IL17RC: variants seen among roughly 807,000 people sequenced by gnomAD.
IL17RC encodes the protein interleukin-17 receptor C.
Under a neutral mutation model 86.7 loss-of-function variants are expected in IL17RC, and 53 were observed. The observed-to-expected ratio is 0.61, with a 90% CI of 0.49 to 0.77. The LOEUF is 0.77. Among genes scored for constraint, IL17RC ranks in the 30% least tolerant of loss-of-function variants. IL17RC has a pLI of 0.00. For missense variants in IL17RC, 957 were observed against 940.0 expected (o/e 1.02, Z -0.24); for synonymous variants, 439 against 413.1 (o/e 1.06, Z -0.76).
At chr3:9,924,724 G>A (rs1290020027) in intron 9 of IL17RC, among the ~76,000 whole-genome samples, 1 of 152,180 alleles carries the variant, frequency 6.6e-6, no homozygotes, top group Non-Finnish European at 1.5e-5. Flanking sequence ...AATAATAATA[G>A]TAACAGCCTC....
Position 9,931,002 on chromosome 3 carries a change from A to C in IL17RC, c.1387+59A>C, listed in dbSNP as rs1043072966. The C allele has an allele frequency of 2.9e-6, 4 of 1,386,924 alleles. No individual in the cohort carries two copies. The African/African-American group carries it at 5.7e-5, about 20-fold the overall frequency. The allele number at this position is 1,386,924 out of a possible 1,614,324, so 85.9% of individuals were successfully genotyped here. Reference sequence around the variant, plus strand: ...ACCAGGAGTGGGGATCTTGACAGGGACCACTCTTGGGCACAGCACATGCAA... The same window carrying C: ...ACCAGGAGTGGGGATCTTGACAGGGCCCACTCTTGGGCACAGCACATGCAA... On this transcript the variant is annotated intron_variant, in intron 16 of 18. Transcript: ENST00000403601.
Position 9,918,015 on chromosome 3 carries a change from T to A in IL17RC, c.220T>A (p.Cys74Ser). 6.2e-7 allele frequency: 1 copy of A among 1,613,362 alleles called. No individual in the cohort carries two copies. Residue 74 changes from cysteine to serine, a missense_variant, in exon 3 of 19, where the codon TGC (cysteine) becomes AGC (serine). Coordinates refer to ENST00000403601, the MANE Select transcript of IL17RC (RefSeq NM_153460.4). The stretch of plus-strand genomic sequence containing the variant: ...CCTGCAGACAGAGCTGGTGCTGAGG[T>A]GCCAGAAGGAGACCGACTGTGACCT... ...THLQTELVLR[C>S]QKETDCDLCL...
chr3:9,928,759 T>C, intron 12 of IL17RC, 129 bp downstream of exon 12: 1 of 908,524 alleles, frequency 1.1e-6, no homozygotes, highest in East Asian at 2.4e-5. Context: ...TTCCACTGCC[T>C]ACTTTAGTAG....
chr3:9,929,784 C>G (rs557627864), intron 12 of IL17RC, 68 bp from the exon 13 acceptor site: 8 of 1,568,032 alleles, frequency 5.1e-6, no homozygotes, highest in Middle Eastern at 1.7e-4. Flanking sequence ...TTGCCTGCCC[C>G]ATTCTGGTCT....
chr3:9,925,343 C>T (rs1021653446), intron 9 of IL17RC, among the ~76,000 whole-genome samples: 3 of 151,916 alleles, frequency 2.0e-5, no homozygotes, highest in Admixed American at 6.6e-5. Context: ...GTCTCGATCT[C>T]CTGACCTTAT....
In IL17RC at chr3:9,933,560, A is replaced by T; in HGVS notation, c.2130A>T (p.Pro710=). Residue 710 remains proline, a synonymous_variant, in exon 19 of 19, where the codon CCA becomes CCT. Coordinates refer to ENST00000403601, the MANE Select transcript of IL17RC (RefSeq NM_153460.4). The part of the protein sequence containing the change: ...GTPAPGRGVG[P]GAGPGAGDGT ...CCGCGCCGGGACGCGGGGTGGGACCAGGCGCGGGACCTGGGGCGGGGGACG... is the reference window on the plus strand; with the variant it reads ...CCGCGCCGGGACGCGGGGTGGGACCTGGCGCGGGACCTGGGGCGGGGGACG... 1 of 1,605,950 alleles carries T rather than the reference A, an allele frequency of 6.2e-7. No homozygotes were observed. Among genetic ancestry groups the T allele is most frequent in the East Asian group, 2.2e-5 (1 of 44,678 alleles).
At position 9,933,434 on chromosome 3, in the gene IL17RC, G is replaced by A; in HGVS notation, c.2004G>A (p.Gln668=). The change falls in exon 19 of 19, where the codon CAG becomes CAA. Residue 668 remains glutamine, a synonymous_variant. Coordinates refer to ENST00000403601, the MANE Select transcript of IL17RC (RefSeq NM_153460.4). The part of the protein sequence containing the change: ...QLPDFLGALQ[Q]PRAPRSGRLQ... ...CAGACTTCCTGGGGGCCCTGCAGCA[G>A]CCTCGCGCCCCGCGTTCCGGGCGGC... The A allele has an allele frequency of 6.2e-7, 1 of 1,613,240 alleles. No homozygotes were observed. The highest frequency in any genetic ancestry group is 8.5e-7 in the Non-Finnish European group (1 of 1,179,828).
At position 9,917,535 on chromosome 3, in the gene IL17RC, C is replaced by T; in HGVS notation, c.105+115C>T. 1.9e-6 allele frequency: 3 copies of T among 1,614,118 alleles called. No individual in the cohort carries two copies. The highest frequency in any genetic ancestry group is 1.7e-4 in the Middle Eastern group (1 of 6,060). ...CACTGCCAGAACTGCCCTGTCTGGT[C>T]TGTCTGGTGCTGATGGTAGAAGAGA... is the stretch of plus-strand genomic sequence containing the variant. On this transcript the variant is annotated intron_variant, in intron 1 of 18. Transcript: ENST00000403601.
At chr3:9,924,535 C>T (rs2083886502) in intron 9 of IL17RC, among the ~76,000 whole-genome samples, 1 of 152,052 alleles carries the variant, frequency 6.6e-6, no homozygotes, top group Admixed American at 6.6e-5. Context: ...ATTCAAATGT[C>T]ACCTTCTCCT....
chr3:9,924,288 T>C lies in IL17RC; in HGVS notation c.819T>C (p.Ile273=). The C allele has an allele frequency of 6.2e-7, 1 of 1,613,918 alleles. No homozygotes were observed. Among genetic ancestry groups the C allele is most frequent in the Non-Finnish European group, 8.5e-7 (1 of 1,179,832 alleles). ...CAGACCTGGTTCCCTGCCTCTGTAT[T>C]CAGGTAGGAGCAGAGTCTAGCTGGG... ...NHTDLVPCLC[I]QVWPLEPDSV... is the part of the protein sequence containing the mutation. Residue 273 remains isoleucine (I), a synonymous_variant, in exon 9 of 19, where the codon ATT becomes ATC. Transcript: ENST00000403601.
Position 9,928,395 on chromosome 3 carries a change from C to A in IL17RC, c.968C>A (p.Pro323His). 1.9e-6 allele frequency: 3 copies of A among 1,605,128 alleles called. No homozygotes were observed. The highest frequency in any genetic ancestry group is 1.7e-6 in the Non-Finnish European group (2 of 1,176,550). ...SWLLDAPCSL[P>H]AEAALCWRAP... Reference sequence around the variant, plus strand: ...CTGCTGGACGCACCGTGCTCGCTGCCCGCAGAAGCGGCACTGTGCTGGCGG... The same window carrying A: ...CTGCTGGACGCACCGTGCTCGCTGCACGCAGAAGCGGCACTGTGCTGGCGG... The change falls in exon 11 of 19, where the codon CCC becomes CAC. Residue 323 changes from proline to histidine, a missense_variant. Pro to His is a moderately conservative substitution (Grantham distance 77). Coordinates refer to ENST00000403601, the MANE Select transcript of IL17RC (RefSeq NM_153460.4).
In IL17RC at chr3:9,928,690, A is replaced by AG. The variant is rs1242320301; in HGVS notation, c.1110+65dup. On this transcript the variant is annotated intron_variant, in intron 12 of 18. Coordinates refer to ENST00000403601, the MANE Select transcript of IL17RC (RefSeq NM_153460.4). ...TGGACCTGGGCAGACCCCCCAGCCA[A>AG]GGGGGTCTTAGTTCTTGGGCCGCTA... The AG allele has an allele frequency of 4.2e-5, 65 of 1,539,276 alleles. No homozygotes were observed. In the Middle Eastern group the frequency reaches 7.2e-4, roughly 17 times the overall value.
rs1172111591 is a variant in IL17RC, at chr3:9,928,237, G to C, written c.877+17G>C. ...TCAGGGAGGGTGAGCCGACCGGCCT[G>C]GGGCTGGGGTTGGGGTGTTGCGAGC... On this transcript the variant is annotated intron_variant, in intron 10 of 18. Coordinates refer to ENST00000403601, the MANE Select transcript of IL17RC (RefSeq NM_153460.4). 1.3e-6 allele frequency: 2 copies of C among 1,575,250 alleles called. No homozygotes were observed. Among genetic ancestry groups the C allele is most frequent in the Non-Finnish European group, 1.7e-6 (2 of 1,171,616 alleles).
chr3:9,922,965 G>C (rs889166140), intron 7 of IL17RC, among the ~76,000 whole-genome samples: 14 of 150,864 alleles, frequency 9.3e-5, no homozygotes, highest in African/African-American at 3.4e-4. Flanking sequence ...CACGAGGTCA[G>C]GAGATCGAGA....
In IL17RC at chr3:9,930,203, G is replaced by A; in HGVS notation, c.1278+54G>A. ...ATCTCTCCAAATGCATCTCACATCT[G>A]GCCTCAAATTTTCACTCCATCCACC... On this transcript the variant is annotated intron_variant, in intron 14 of 18. Coordinates refer to ENST00000403601, the MANE Select transcript of IL17RC (RefSeq NM_153460.4). This position sits in a 1 kb window ranked among gnomAD's most constrained non-coding sequence, Gnocchi z 5.8. 2 of 1,604,866 alleles carry A rather than the reference G, an allele frequency of 1.2e-6. No individual in the cohort carries two copies. Among genetic ancestry groups the A allele is most frequent in the Non-Finnish European group, 8.5e-7 (1 of 1,173,560 alleles).
intron 5 of IL17RC, among the ~76,000 whole-genome samples, chr3:9,920,167 T>C (rs1215693723): frequency 1.3e-5 from 2 of 152,024 alleles, no homozygotes; most frequent in Non-Finnish European, 2.9e-5. Flanking sequence ...ACCACTTCTG[T>C]GGGGAGGGGT....
intron 1 of IL17RC, 40 bp downstream of exon 1, chr3:9,917,460 G>T: frequency 6.2e-7 from 1 of 1,614,216 alleles, no homozygotes; most frequent in African/African-American, 1.3e-5. Context: ...AAGGCTCAGG[G>T]TTCAGTTTTT....
intron 8 of IL17RC, 91 bp from the exon 9 acceptor site, chr3:9,924,141 G>T: frequency 1.9e-6 from 3 of 1,607,890 alleles, no homozygotes; most frequent in Non-Finnish European, 8.5e-7. Flanking sequence ...AAAATTGGTG[G>T]GGGAACTTCT....
intron 5 of IL17RC, chr3:9,918,933 G>A (rs1353102693): frequency 7.2e-6 from 2 of 278,558 alleles, no homozygotes; most frequent in Non-Finnish European, 1.4e-5. Flanking sequence ...TTTTCAGGGT[G>A]CTTCTACTAT....
Sources: gnomAD v4.1 joint callset for allele counts (sites outside exome capture counted in the v4.1 genomes callset) on GRCh38, gnomAD v4.1.1 for gene constraint, Gnocchi (gnomAD v3.1) non-coding constraint, MANE v1.5 for transcripts, NCBI Gene and HGNC (gene_info 2026-07-23, HGNC 2026-07-21) for gene names.